Variants in AFF1 observed in about 807,000 individuals in gnomAD.
AFF1 encodes the protein ALF transcription elongation factor 1.
AFF1 carries 48 observed loss-of-function variants against 121.7 expected under a neutral mutation model. The observed-to-expected ratio is 0.39, with a 90% CI of 0.31 to 0.50. AFF1 has a LOEUF of 0.50. Ranked by LOEUF, AFF1 falls within the 20% of genes least tolerant of loss-of-function variation. AFF1 has a pLI of 0.76. For missense variants in AFF1, 1,523 were observed against 1,511.7 expected (o/e 1.01, Z -0.12); for synonymous variants, 613 against 563.0 (o/e 1.09, Z -1.26).
intron 4 of AFF1, among the ~76,000 whole-genome samples, chr4:87,049,131 A>T (rs987363485): frequency 6.6e-6 from 1 of 151,934 alleles, no homozygotes; most frequent in Non-Finnish European, 1.5e-5. Flanking sequence ...CTTTCTAAAA[A>T]TAACAAACCT....
chr4:87,099,733 G>A (rs952289215), intron 8 of AFF1, among the ~76,000 whole-genome samples: 1 of 152,172 alleles, frequency 6.6e-6, no homozygotes, highest in Admixed American at 6.6e-5. Flanking sequence ...GCTTGGTGCT[G>A]CTTTAGGTAC....
chr4:87,056,135 T>G (rs374090487), intron 4 of AFF1, among the ~76,000 whole-genome samples: 10 of 152,312 alleles, frequency 6.6e-5, no homozygotes, highest in East Asian at 3.9e-4. Flanking sequence ...CATTCTAATC[T>G]TCTTAATCCC....
Position 87,070,966 on chromosome 4 carries a change from A to G in AFF1, c.1060-13154A>G, listed in dbSNP as rs1721974259. Among the ~76,000 whole-genome samples, 4 of 152,230 alleles carry G rather than the reference A, an allele frequency of 2.6e-5. No individual in the cohort carries two copies. In the South Asian group the frequency reaches 8.3e-4, roughly 32 times the overall value. ...AGCTATAGTGAGTCCGCTTAAGTCA[A>G]CGCCAAGACAACTGAGAAACTGGCG... On this transcript the variant is annotated intron_variant, in intron 4 of 20. Coordinates refer to ENST00000395146, the MANE Select transcript of AFF1 (RefSeq NM_001166693.3).
At chr4:87,050,724 C>G (rs1464093541) in intron 4 of AFF1, among the ~76,000 whole-genome samples, 1 of 152,226 alleles carries the variant, frequency 6.6e-6, no homozygotes. Context: ...AGTTTTACGT[C>G]AACTGGAAGA....
chr4:87,046,781 T>G lies in AFF1; in HGVS notation c.246T>G (p.Ser82=). 6.2e-7 allele frequency: 1 copy of G among 1,614,184 alleles called. No homozygotes were observed. Among genetic ancestry groups the G allele is most frequent in the East Asian group, 2.2e-5 (1 of 44,876 alleles). ...TGAAGGAGTTCCTTAGTACTAAGTC[T>G]CACACTCATCGCCTGGATGCTTCTG... ...EEVKEFLSTK[S]HTHRLDASEN... The change falls in exon 4 of 21, where the codon TCT becomes TCG. Residue 82 remains serine (S), a synonymous_variant. Transcript: ENST00000395146.
chr4:87,044,815 G>A (rs1195149119), intron 2 of AFF1, among the ~76,000 whole-genome samples: 2 of 152,184 alleles, frequency 1.3e-5, no homozygotes, highest in African/African-American at 4.8e-5. Flanking sequence ...GGACGTGACT[G>A]ACTGACTGTC....
At chr4:87,034,877 T>C (rs1729409825) in intron 2 of AFF1, among the ~76,000 whole-genome samples, 1 of 152,204 alleles carries the variant, frequency 6.6e-6, no homozygotes, top group African/African-American at 2.4e-5. Flanking sequence ...TCATTGGAAA[T>C]TGAGTAATGC....
intron 4 of AFF1, among the ~76,000 whole-genome samples, chr4:87,059,548 A>G (rs1404503701): frequency 1.3e-5 from 2 of 152,216 alleles, no homozygotes; most frequent in Admixed American, 6.5e-5. Flanking sequence ...TCAGTATGCC[A>G]CATTATTTCA....
At position 87,016,617 on chromosome 4, in the gene AFF1, G is replaced by A. The variant is rs558867891; in HGVS notation, c.39-29549G>A. 2.0e-5 allele frequency among the ~76,000 whole-genome samples: 3 copies of A among 151,928 alleles called. No homozygotes were observed. In the South Asian group the frequency reaches 6.2e-4, roughly 32 times the overall value. The stretch of plus-strand genomic sequence containing the variant: ...ATATCATAAAATTCACTCATGTCAA[G>A]TGACAACTCAGTAATGTTTAGTTAC... On this transcript the variant is annotated intron_variant, in intron 2 of 20. Coordinates refer to ENST00000395146, the MANE Select transcript of AFF1 (RefSeq NM_001166693.3).
chr4:87,115,108 C>T lies in AFF1; in HGVS notation c.2275C>T (p.Leu759Phe). The change falls in exon 12 of 21, where the codon CTC (leucine) becomes TTC (phenylalanine). Residue 759 changes from leucine (L) to phenylalanine (F), a missense_variant. Leu to Phe is a conservative substitution (Grantham distance 22, BLOSUM62 0). This residue lies in a region of AFF1 where 905 missense variants were observed against 842.5 expected (regional missense o/e 1.07). Transcript: ENST00000395146. Reference protein sequence around the residue: ...PLRDTKLLSPLRDTPPPQSLM... With the variant: ...PLRDTKLLSPFRDTPPPQSLM... ...GAGAGACACCAAGCTGCTCTCACCG[C>T]TCAGGGACACTCCTCCCCCACAAAG... The T allele has an allele frequency of 3.1e-6, 5 of 1,614,180 alleles. No individual in the cohort carries two copies. The highest frequency in any genetic ancestry group is 2.5e-6 in the Non-Finnish European group (3 of 1,180,030).
At chr4:87,084,588 A>G (rs1723523158) in intron 5 of AFF1, among the ~76,000 whole-genome samples, 1 of 146,206 alleles carries the variant, frequency 6.8e-6, no homozygotes, top group Non-Finnish European at 1.5e-5. Context: ...AAATAAATAA[A>G]TAAATAAATA....
In AFF1 at chr4:87,035,434, G is replaced by A. The variant is rs190953157; in HGVS notation, c.39-10732G>A. On this transcript the variant is annotated intron_variant, in intron 2 of 20. Coordinates refer to ENST00000395146, the MANE Select transcript of AFF1 (RefSeq NM_001166693.3). ...AAATTAGCTGGGTGTGGTGGCGGGC[G>A]CCTGTAGTCCCAGCTACTCAGGAGG... is the stretch of plus-strand genomic sequence containing the variant. Among the ~76,000 whole-genome samples, 1,334 of 152,180 alleles carry A rather than the reference G, an allele frequency of 8.8e-3. 24 individuals carry two copies. Among genetic ancestry groups the A allele is most frequent in the African/African-American group, 0.031 (1,283 of 41,502 alleles).
intron 4 of AFF1, among the ~76,000 whole-genome samples, chr4:87,049,468 AAAAC>A (rs1731056690): frequency 2.0e-5 from 3 of 152,218 alleles, no homozygotes; most frequent in Admixed American, 1.3e-4. Context: ...TCAGTGTCTT[AAAAC>A]CCCTTATATT....
chr4:87,133,784 CT>C (rs1003432474), intron 19 of AFF1, among the ~76,000 whole-genome samples: 5 of 152,182 alleles, frequency 3.3e-5, no homozygotes, highest in Non-Finnish European at 5.9e-5. Context: ...TTCATTAACT[CT>C]TTTTTATTTA....
intron 4 of AFF1, among the ~76,000 whole-genome samples, chr4:87,069,248 AGGTG>A (rs1721711617): frequency 6.9e-6 from 1 of 144,760 alleles, no homozygotes; most frequent in African/African-American, 2.6e-5. Context: ...GGTAATAGAC[AGGTG>A]GCGTGGTGTG....
chr4:87,105,981 C>T (rs951992360), intron 10 of AFF1, 136 bp downstream of exon 10: 19 of 1,125,606 alleles, frequency 1.7e-5, no homozygotes, highest in Non-Finnish European at 2.2e-5. Context: ...AAGGAAAGTA[C>T]CTGTTTAATA....
chr4:87,012,513 CTT>C (rs775177219), intron 2 of AFF1, among the ~76,000 whole-genome samples: 2 of 152,096 alleles, frequency 1.3e-5, no homozygotes, highest in African/African-American at 4.8e-5. Flanking sequence ...GAGTACATAA[CTT>C]TTACGGGTTA....
rs780219149 is a variant in AFF1, at chr4:87,046,277, G to C, written c.150G>C (p.Glu50Asp). Residue 50 changes from glutamate (E) to aspartate (D), a missense_variant, in exon 3 of 21, where the codon GAG (glutamate) becomes GAC (aspartate). Around this residue, in one of 5 missense-constraint regions of AFF1, gnomAD observed 369 missense variants for 367.2 expected, o/e 1.00. Transcript: ENST00000395146. ...CTGAAAAGATTCCCCTTTTTGGAGAGCCCTACAAGGTATTTACTGAACACT... is the reference window on the plus strand; with the variant it reads ...CTGAAAAGATTCCCCTTTTTGGAGACCCCTACAAGGTATTTACTGAACACT... The part of the protein sequence containing the change: ...AFPEKIPLFG[E>D]PYKTAKGDEL... The C allele has an allele frequency of 1.9e-6, 3 of 1,612,714 alleles. No homozygotes were observed. The highest frequency in any genetic ancestry group is 2.5e-6 in the Non-Finnish European group (3 of 1,179,648).
intron 2 of AFF1, among the ~76,000 whole-genome samples, chr4:86,958,013 C>A (rs774530496): frequency 8.6e-5 from 13 of 152,012 alleles, no homozygotes; most frequent in Non-Finnish European, 1.2e-4. Flanking sequence ...AAATACATAC[C>A]CGTCTCACAC....
Sources: allele counts gnomAD v4.1 joint callset (sites outside exome capture counted in the v4.1 genomes callset), GRCh38; gene constraint gnomAD v4.1.1; regional missense constraint gnomAD v4.1.1; transcripts MANE v1.5; gene names NCBI Gene and HGNC (gene_info 2026-07-23, HGNC 2026-07-21).